The following SLC2A11 variants were observed in gnomAD, a reference collection of about 807,000 sequenced individuals.
SLC2A11 encodes solute carrier family 2, facilitated glucose transporter member 11.
Under a neutral mutation model 52.1 loss-of-function variants are expected in SLC2A11, and 43 were observed. That is an observed-to-expected ratio of 0.82 (90% CI 0.65 to 1.06). The LOEUF is 1.06. SLC2A11 is among the 50% of genes least tolerant of loss of function. The pLI is 0.00. For missense variants in SLC2A11, 582 were observed against 654.2 expected (o/e 0.89, Z 1.20); for synonymous variants, 261 against 277.6 (o/e 0.94, Z 0.59).
chr22:23,877,992 T>C, intron 6 of SLC2A11, 123 bp downstream of exon 6: 1 of 1,216,078 alleles, frequency 8.2e-7, no homozygotes, highest in Non-Finnish European at 1.1e-6. Context: ...TCTTTGTGCC[T>C]CAATTTCATG....
In SLC2A11 at chr22:23,884,026, T is replaced by C. The variant is rs200488681; in HGVS notation, c.1171+2T>C. 798 of 1,611,856 alleles carry C rather than the reference T, an allele frequency of 5.0e-4. 5 individuals carry two copies. The East Asian group carries it at 6.2e-3, about 13-fold the overall frequency. ...TCCTCAGCTTTGGCATTGGCCCTGG[T>C]GAGTGGGCCCAAGGGGCTCTGGGCA... On this transcript the variant is annotated splice_donor_variant, in intron 10 of 11. Coordinates refer to ENST00000316185, the MANE Select transcript of SLC2A11 (RefSeq NM_001024939.4). LOFTEE classifies it high-confidence loss of function. The surrounding 1 kb of genome is among the most constrained non-coding windows in gnomAD (Gnocchi z 4.3).
At chr22:23,859,592 A>G (rs2146101210) in intron 1 of SLC2A11, among the ~76,000 whole-genome samples, 1 of 152,288 alleles carries the variant, frequency 6.6e-6, no homozygotes, top group Admixed American at 6.5e-5. Flanking sequence ...CCCGGATTCA[A>G]GCAATTCTGC....
At chr22:23,858,699 TA>T (rs1481373641) in intron 1 of SLC2A11, among the ~76,000 whole-genome samples, 4 of 152,134 alleles carry the variant, frequency 2.6e-5, no homozygotes, top group Non-Finnish European at 5.9e-5. Context: ...ACCTTGTCTC[TA>T]AAAAATAAAA....
intron 2 of SLC2A11, among the ~76,000 whole-genome samples, chr22:23,864,874 G>A (rs2032201483): frequency 6.6e-6 from 1 of 152,018 alleles, no homozygotes; most frequent in Admixed American, 6.6e-5. Flanking sequence ...TTGAGAGGCT[G>A]AGGCAGGCGG....
upstream of SLC2A11, chr22:23,857,073 T>TTGG: frequency 2.5e-6 from 1 of 407,358 alleles, no homozygotes; most frequent in South Asian, 2.4e-5. Context: ...TGTGTGTGTG[T>TTGG]GGGGGGGGGG....
chr22:23,870,701 AT>A, intron 3 of SLC2A11: 1 of 130,604 alleles, frequency 7.7e-6, no homozygotes, highest in Admixed American at 7.7e-5. Flanking sequence ...TTTATTTTTT[AT>A]TTTTTTTGAG....
rs9608213 is a variant in SLC2A11 at position 23,882,468 on chromosome 22, G to A, written c.704G>A (p.Arg235Gln). The part of the protein sequence containing the change: ...DTEACLAALR[R>Q]LRGSGDLAGE... ...CTCCTCCCTGGCTCAGCACTACGGC[G>A]GCTCCGGGGCTCCGGGGACTTGGCA... Residue 235 changes from arginine to glutamine, a missense_variant, in exon 7 of 12, where the codon CGG becomes CAG. Physicochemically the swap from Arg to Gln is conservative, Grantham distance 43 (BLOSUM62 1). Coordinates refer to ENST00000316185, the MANE Select transcript of SLC2A11 (RefSeq NM_001024939.4). 0.4 allele frequency: 609,666 copies of A among 1,541,214 alleles called. 123,131 individuals carry two copies. Among genetic ancestry groups the A allele is most frequent in the South Asian group, 0.47 (39,247 of 83,520 alleles).
chr22:23,864,188 A>G (rs1399695678), intron 2 of SLC2A11, among the ~76,000 whole-genome samples: 1 of 152,158 alleles, frequency 6.6e-6, no homozygotes, highest in Non-Finnish European at 1.5e-5. Context: ...GACCATCGAG[A>G]GAACTTCCTC....
Position 23,877,721 on chromosome 22 carries a change from G to A in SLC2A11, c.546G>A (p.Arg182=). 1.9e-6 allele frequency: 3 copies of A among 1,584,320 alleles called. No homozygotes were observed. The highest frequency in any genetic ancestry group is 2.6e-6 in the Non-Finnish European group (3 of 1,167,398). ...GIVMGQVVGL[R]ELLGGPQAWP... ...CCTGGCCTCTCCTCTGCCTCCTTAG[G>A]GAGCTCCTAGGTGGCCCTCAGGCCT... Residue 182 remains arginine, a splice_region_variant and synonymous_variant, in exon 6 of 12, where the codon AGG becomes AGA. Transcript: ENST00000316185.
Position 23,884,547 on chromosome 22 carries a change from G to T in SLC2A11, c.1300-102G>T. 3.2e-6 allele frequency: 5 copies of T among 1,545,492 alleles called. No homozygotes were observed. The highest frequency in any genetic ancestry group is 4.4e-6 in the Non-Finnish European group (5 of 1,144,306). On this transcript the variant is annotated intron_variant, in intron 11 of 11. Coordinates refer to ENST00000316185, the MANE Select transcript of SLC2A11 (RefSeq NM_001024939.4). The surrounding 1 kb of genome is among the most constrained non-coding windows in gnomAD (Gnocchi z 4.3). Reference sequence around the variant, plus strand: ...AGACTGAAAGGGAGGGGTCTTAGGGGAGCAAAGAGGGGGGCAAATGCCTCC... The same window carrying T: ...AGACTGAAAGGGAGGGGTCTTAGGGTAGCAAAGAGGGGGGCAAATGCCTCC...
rs145179201 is a variant in SLC2A11, at chr22:23,877,853, C to T, written c.678C>T (p.Thr226=). 2.0e-5 allele frequency: 32 copies of T among 1,611,710 alleles called. No individual in the cohort carries two copies. The highest frequency in any genetic ancestry group is 1.7e-4 in the South Asian group (15 of 90,720). ...PRYLLIDCGD[T]EACLAALRRL... is the part of the protein sequence containing the mutation. ...ACCTCCTCATTGACTGTGGAGACAC[C>T]GAGGCCTGCCTGGCAGGTGAGTCTC... is the stretch of plus-strand genomic sequence containing the variant. The change falls in exon 6 of 12, where the codon ACC becomes ACT. Residue 226 remains threonine, a synonymous_variant. Transcript: ENST00000316185.
intron 6 of SLC2A11, 64 bp downstream of exon 6, chr22:23,877,933 A>T (rs2032678114): frequency 6.7e-7 from 1 of 1,502,346 alleles, no homozygotes; most frequent in Admixed American, 2.4e-5. Context: ...CCCAGAGTAT[A>T]CGGGTCCCCA....
intron 2 of SLC2A11, among the ~76,000 whole-genome samples, chr22:23,865,085 C>T (rs2032208317): frequency 1.7e-5 from 2 of 119,474 alleles, no homozygotes; most frequent in South Asian, 2.8e-4. Context: ...CCAGCCTGGG[C>T]GACAGGGAGA....
In SLC2A11 at chr22:23,884,508, A is replaced by C; in HGVS notation, c.1299+79A>C. 1 of 1,566,270 alleles carries C rather than the reference A, an allele frequency of 6.4e-7. No individual in the cohort carries two copies. The highest frequency in any genetic ancestry group is 8.7e-7 in the Non-Finnish European group (1 of 1,154,560). ...CTGAGAACCCCAGGGGGAGGCTTCC[A>C]TCCAGGGAGACTGAGACTGAAAGGG... On this transcript the variant is annotated intron_variant, in intron 11 of 11. Transcript: ENST00000316185. This position sits in a 1 kb window ranked among gnomAD's most constrained non-coding sequence, Gnocchi z 4.3.
At chr22:23,869,866 G>T (rs545119731) in intron 3 of SLC2A11, 328 of 623,704 alleles carry the variant, frequency 5.3e-4, no homozygotes, top group African/African-American at 4.6e-3. Flanking sequence ...ATGGCAGAAA[G>T]GGCGAATGCT....
rs538952292 is a variant in SLC2A11, at chr22:23,862,055, G to A, written c.31-49G>A. The A allele has an allele frequency of 8.1e-6, 12 of 1,473,526 alleles. No homozygotes were observed. In the South Asian group the frequency reaches 1.2e-4, roughly 15 times the overall value. 91.3% of individuals were successfully genotyped at this position (1,473,526 alleles called of 1,614,324 possible). Reference sequence around the variant, plus strand: ...TGATTGGCAGCTCTGGTCCAGGGAGGGGGTGGAGGCTGTTGTTGGTCACTC... The same window carrying A: ...TGATTGGCAGCTCTGGTCCAGGGAGAGGGTGGAGGCTGTTGTTGGTCACTC... On this transcript the variant is annotated intron_variant, in intron 1 of 11. Transcript: ENST00000316185.
intron 3 of SLC2A11, among the ~76,000 whole-genome samples, chr22:23,874,227 C>G (rs1016435707): frequency 3.3e-5 from 5 of 152,190 alleles, no homozygotes; most frequent in African/African-American, 1.2e-4. Context: ...TTCCTTCACT[C>G]TTAAAGTCCC....
chr22:23,857,877 C>G lies in SLC2A11; in HGVS notation c.-123C>G. On this transcript the variant is annotated 5_prime_UTR_variant, in exon 1 of 12. Transcript: ENST00000316185. ...GCTCACTGCGCGTGCGCTAGCGCCTCTTTCACCACTGGGCGCTGCGCGCTG... is the reference window on the plus strand; with the variant it reads ...GCTCACTGCGCGTGCGCTAGCGCCTGTTTCACCACTGGGCGCTGCGCGCTG... 6.5e-7 allele frequency: 1 copy of G among 1,547,694 alleles called. No individual in the cohort carries two copies. Among genetic ancestry groups the G allele is most frequent in the Non-Finnish European group, 8.7e-7 (1 of 1,148,348 alleles).
chr22:23,857,573 C>G, upstream of SLC2A11: 1 of 1,470,296 alleles, frequency 6.8e-7, no homozygotes, highest in Non-Finnish European at 9.2e-7. Context: ...GGCGGTGACC[C>G]CAAACCCCCC....
Sources: gnomAD v4.1 joint callset for allele counts (sites outside exome capture counted in the v4.1 genomes callset) on GRCh38, gnomAD v4.1.1 for gene constraint, Gnocchi (gnomAD v3.1) non-coding constraint, MANE v1.5 for transcripts, NCBI Gene and HGNC (gene_info 2026-07-23, HGNC 2026-07-21) for gene names.